The following DENND2A variants were observed in gnomAD, a reference collection of about 807,000 sequenced individuals.
The protein encoded by DENND2A is DENN domain-containing protein 2A.
DENND2A carries 53 observed loss-of-function variants against 105.3 expected under a neutral mutation model. The ratio of observed to expected loss-of-function variants is 0.50; its 90% CI spans 0.40 to 0.63. The LOEUF (loss-of-function observed/expected upper bound fraction) is 0.63. Among genes scored for constraint, DENND2A ranks in the 30% least tolerant of loss-of-function variants. DENND2A has a pLI of 0.00. For synonymous variants in DENND2A, 522 were observed against 508.4 expected, an observed-to-expected ratio of 1.03 and a Z score of -0.36; for missense variants, 1,138 against 1,279.6, an observed-to-expected ratio of 0.89 and a Z score of 1.69.
In DENND2A at chr7:140,546,833, A is replaced by G. The variant is rs1796929855; in HGVS notation, c.2144T>C (p.Leu715Pro). The change falls in exon 13 of 20, where the codon CTT becomes CCT. Residue 715 changes from leucine (L) to proline (P), a missense_variant. Transcript: ENST00000496613. ...TGAACCTGGCAGGAAGTTCTTGACA[A>G]GGATGGTTTTGCCCAGGGCTGGGAA... ...APFPALGKTILVKNFLPGSGT... is the reference protein window; with the variant it reads ...APFPALGKTIPVKNFLPGSGT... The G allele has an allele frequency of 6.2e-7, 1 of 1,614,052 alleles. No individual in the cohort carries two copies. Among genetic ancestry groups the G allele is most frequent in the African/African-American group, 1.3e-5 (1 of 74,942 alleles).
chr7:140,569,505 C>T, intron 7 of DENND2A, 140 bp downstream of exon 7: 1 of 711,062 alleles, frequency 1.4e-6, no homozygotes, highest in Non-Finnish European at 2.5e-6. Flanking sequence ...CACCACTGTC[C>T]CAAAGACAGT....
At chr7:140,600,445 G>A (rs1383620464) in intron 3 of DENND2A, among the ~76,000 whole-genome samples, 5 of 152,014 alleles carry the variant, frequency 3.3e-5, no homozygotes, top group Non-Finnish European at 7.4e-5. Context: ...CAGATAGAAG[G>A]AAAAAAGAAT....
intron 1 of DENND2A, among the ~76,000 whole-genome samples, chr7:140,613,119 A>G (rs1799959849): frequency 6.7e-6 from 1 of 149,510 alleles, no homozygotes; most frequent in Non-Finnish European, 1.5e-5. Flanking sequence ...TGTCTCAAGA[A>G]AAAAAAAAAG....
In DENND2A at chr7:140,602,011, G is replaced by C. The variant is rs1280708259; in HGVS notation, c.387C>G (p.Ser129Arg). ...GQDPEPGQDL[S>R]QPEREVDPSW... ...TAGGATCCACTTCCCGTTCTGGCTG[G>C]CTTAGGTCTTGCCCCGGCTCTGGGT... The change falls in exon 3 of 20, where the codon AGC becomes AGG. Residue 129 changes from serine to arginine, a missense_variant. Physicochemically the swap from Ser to Arg is moderately radical, Grantham distance 110. Around this residue, in one of 2 missense-constraint regions of DENND2A, gnomAD observed 511 missense variants for 499.9 expected, o/e 1.02. Coordinates refer to ENST00000496613, the MANE Select transcript of DENND2A (RefSeq NM_015689.5). The C allele has an allele frequency of 1.2e-6, 2 of 1,614,068 alleles. No homozygotes were observed. Among genetic ancestry groups the C allele is most frequent in the African/African-American group, 2.7e-5 (2 of 74,928 alleles).
chr7:140,602,680 T>G, intron 2 of DENND2A, 138 bp from the exon 3 acceptor site: 1 of 247,240 alleles, frequency 4.0e-6, no homozygotes, highest in Non-Finnish European at 7.7e-6. Context: ...AAAAAAAAAA[T>G]TCACTTTGTG....
chr7:140,561,467 C>T (rs918063742), intron 9 of DENND2A, among the ~76,000 whole-genome samples: 6 of 149,412 alleles, frequency 4.0e-5, no homozygotes, highest in Non-Finnish European at 7.4e-5. Flanking sequence ...AATATAATGG[C>T]TAACCTATAT....
intron 14 of DENND2A, among the ~76,000 whole-genome samples, chr7:140,535,339 G>T (rs1026668005): frequency 6.6e-6 from 1 of 152,148 alleles, no homozygotes; most frequent in Non-Finnish European, 1.5e-5. Context: ...TAGGAGGTGG[G>T]AGTCACCATG....
In DENND2A at chr7:140,523,261, T is replaced by C. The variant is rs1379770937; in HGVS notation, c.2665+46A>G. The C allele has an allele frequency of 1.9e-6, 3 of 1,590,322 alleles. No homozygotes were observed. In the African/African-American group the frequency reaches 4.0e-5, roughly 21 times the overall value. On this transcript the variant is annotated intron_variant, in intron 17 of 19. Coordinates refer to ENST00000496613, the MANE Select transcript of DENND2A (RefSeq NM_015689.5). This position sits in a 1 kb window ranked among gnomAD's most constrained non-coding sequence, Gnocchi z 4.5. ...CCACTGCCCATTTGTTCCCTGACCC[T>C]CAGAGTGGAAGGGAGAGACCCACTG...
chr7:140,639,439 GACAC>G (rs10611078), intron 1 of DENND2A, among the ~76,000 whole-genome samples: 4,935 of 150,196 alleles, frequency 0.033, 233 homozygotes, highest in African/African-American at 0.11. Context: ...AACCGTCTCT[GACAC>G]ACACACACAC....
chr7:140,546,396 C>A (rs1451992023), intron 13 of DENND2A, among the ~76,000 whole-genome samples: 1 of 151,928 alleles, frequency 6.6e-6, no homozygotes, highest in Non-Finnish European at 1.5e-5. Flanking sequence ...CCAGCCTGGG[C>A]GACAGTGCAA....
At chr7:140,558,670 TG>T (rs1455969957) in intron 10 of DENND2A, among the ~76,000 whole-genome samples, 7 of 119,828 alleles carry the variant, frequency 5.8e-5, no homozygotes, top group Admixed American at 1.1e-4. Context: ...CACTCCAGCC[TG>T]GGGGAAGAAG....
intron 5 of DENND2A, among the ~76,000 whole-genome samples, chr7:140,582,323 G>C (rs1263779562): frequency 1.3e-5 from 2 of 152,140 alleles, no homozygotes; most frequent in Non-Finnish European, 2.9e-5. Flanking sequence ...CGCATGAAGT[G>C]GGGAGCCAGG....
intron 5 of DENND2A, among the ~76,000 whole-genome samples, chr7:140,581,543 TTTAG>T (rs759997104): frequency 1.3e-4 from 20 of 152,162 alleles, no homozygotes; most frequent in Non-Finnish European, 2.2e-4. Flanking sequence ...TCCTGCAAGC[TTTAG>T]GGTCCCAGAT....
At chr7:140,583,819 G>A (rs913407648) in intron 5 of DENND2A, among the ~76,000 whole-genome samples, 3 of 149,198 alleles carry the variant, frequency 2.0e-5, no homozygotes, top group South Asian at 2.1e-4. Context: ...CCAGCTACTC[G>A]GGAGGCTGAG....
intron 5 of DENND2A, among the ~76,000 whole-genome samples, chr7:140,581,363 C>T (rs1011800373): frequency 3.9e-5 from 6 of 152,312 alleles, no homozygotes; most frequent in African/African-American, 1.4e-4. Flanking sequence ...AGCATCTGCC[C>T]GCAGCTACAC....
chr7:140,620,636 C>T (rs1353801849), intron 1 of DENND2A, among the ~76,000 whole-genome samples: 2 of 152,324 alleles, frequency 1.3e-5, no homozygotes, highest in African/African-American at 2.4e-5. Context: ...CCTGCGGTGC[C>T]CAGCAAGTCC....
chr7:140,537,830 T>C (rs544954965), intron 14 of DENND2A, among the ~76,000 whole-genome samples: 1 of 152,306 alleles, frequency 6.6e-6, no homozygotes, highest in East Asian at 1.9e-4. Context: ...TGCACATATT[T>C]GTTTACGTGC....
At chr7:140,630,386 C>T (rs547978587) in intron 1 of DENND2A, among the ~76,000 whole-genome samples, 21 of 152,188 alleles carry the variant, frequency 1.4e-4, no homozygotes, top group Admixed American at 3.3e-4. Context: ...GCAGAACACG[C>T]GCACTGGCTT....
chr7:140,633,658 G>T (rs1227201759), intron 1 of DENND2A, among the ~76,000 whole-genome samples: 1 of 152,048 alleles, frequency 6.6e-6, no homozygotes, highest in African/African-American at 2.4e-5. Context: ...TGTGTCACTC[G>T]GTCCACCCAT....
Sources: allele counts gnomAD v4.1 joint callset (sites outside exome capture counted in the v4.1 genomes callset), GRCh38; gene constraint gnomAD v4.1.1; regional missense constraint gnomAD v4.1.1; non-coding constraint Gnocchi (gnomAD v3.1); transcripts MANE v1.5; gene names NCBI Gene and HGNC (gene_info 2026-07-23, HGNC 2026-07-21).